CTNNA3: variants seen among roughly 807,000 people sequenced by gnomAD.
The protein encoded by CTNNA3 is catenin alpha 3, also known as catenin alpha-3.
CTNNA3 carries 76 observed loss-of-function variants against 95.7 expected under a neutral mutation model. The ratio of observed to expected loss-of-function variants is 0.79; its 90% CI spans 0.66 to 0.96. The LOEUF (loss-of-function observed/expected upper bound fraction) is 0.96, where lower values mean the gene tolerates loss of function less well. Among genes scored for constraint, CTNNA3 ranks in the 40% least tolerant of loss-of-function variants. The pLI, the probability that CTNNA3 is intolerant of heterozygous loss-of-function variation, is 0.00. For missense variants in CTNNA3, 1,191 were observed against 1,089.8 expected, an observed-to-expected ratio of 1.09 and a Z score of -1.31; for synonymous variants, 431 against 374.4, an observed-to-expected ratio of 1.15 and a Z score of -1.74.
upstream of CTNNA3, among the ~76,000 whole-genome samples, chr10:67,696,377 A>T (rs1785201569): frequency 6.6e-6 from 1 of 152,234 alleles, no homozygotes; most frequent in South Asian, 2.1e-4. Context: ...CAAAAGAAGA[A>T]CCTCTTCTAT....
At chr10:66,006,268 C>T (rs1353763046) in intron 15 of CTNNA3, among the ~76,000 whole-genome samples, 1 of 152,044 alleles carries the variant, frequency 6.6e-6, no homozygotes, top group Non-Finnish European at 1.5e-5. Flanking sequence ...CCGCCTCGGC[C>T]TCCCAAAGTG....
At chr10:66,849,981 G>GTT (rs35508547) in intron 7 of CTNNA3, among the ~76,000 whole-genome samples, 2 of 151,992 alleles carry the variant, frequency 1.3e-5, no homozygotes, top group Admixed American at 6.5e-5. Flanking sequence ...ATGAGAGCAT[G>GTT]TTTTTTTGCA....
In CTNNA3 at chr10:66,718,871, G is replaced by T. The variant is rs184894870; in HGVS notation, c.1281+47393C>A. On this transcript the variant is annotated intron_variant, in intron 9 of 17. Transcript: ENST00000433211. Reference sequence around the variant, plus strand: ...ATTGTTATGTCACTGACAATTGTTTGTTAAAATCATTTCAAATAACTTTAT... The same window carrying T: ...ATTGTTATGTCACTGACAATTGTTTTTTAAAATCATTTCAAATAACTTTAT... Among the ~76,000 whole-genome samples the T allele has an allele frequency of 4.5e-3, 683 of 152,164 alleles. 6 individuals carry two copies. Among genetic ancestry groups the T allele is most frequent in the African/African-American group, 0.016 (650 of 41,528 alleles).
chr10:66,233,600 T>C (rs1454034000), intron 13 of CTNNA3, among the ~76,000 whole-genome samples: 1 of 152,170 alleles, frequency 6.6e-6, no homozygotes, highest in Non-Finnish European at 1.5e-5. Flanking sequence ...AAATGCATAT[T>C]ACAGTGCTCC....
At chr10:66,910,092 G>A (rs1846158218) in intron 7 of CTNNA3, among the ~76,000 whole-genome samples, 1 of 152,136 alleles carries the variant, frequency 6.6e-6, no homozygotes, top group African/African-American at 2.4e-5. Flanking sequence ...AGATTATAAT[G>A]TTTTAGATAC....
chr10:66,082,537 G>A (rs559513352), intron 14 of CTNNA3, among the ~76,000 whole-genome samples: 1 of 152,156 alleles, frequency 6.6e-6, no homozygotes, highest in East Asian at 1.9e-4. Flanking sequence ...AAGAATATAG[G>A]TGGAAAAATT....
At chr10:66,374,604 G>A (rs866784878) in intron 12 of CTNNA3, among the ~76,000 whole-genome samples, 4 of 129,088 alleles carry the variant, frequency 3.1e-5, no homozygotes, top group Admixed American at 2.4e-4. Context: ...TGAAAGAAAA[G>A]CCTTTTTTTT....
chr10:67,527,742 G>A (rs767427553), intron 4 of CTNNA3, among the ~76,000 whole-genome samples: 6 of 152,230 alleles, frequency 3.9e-5, no homozygotes, highest in Non-Finnish European at 8.8e-5. Flanking sequence ...CTACCAAGAG[G>A]TGGAAGTGGT....
intron 1 of CTNNA3, among the ~76,000 whole-genome samples, chr10:67,709,644 T>G (rs1589577664): frequency 6.6e-6 from 1 of 151,994 alleles, no homozygotes; most frequent in Non-Finnish European, 1.5e-5. Context: ...CTCCCTTGAT[T>G]GGGTTCCTCA....
chr10:67,716,431 T>C (rs1177307509), intron 1 of CTNNA3, among the ~76,000 whole-genome samples: 1 of 150,414 alleles, frequency 6.6e-6, no homozygotes, highest in Admixed American at 6.6e-5. Flanking sequence ...CACCAACCCA[T>C]TATCTACATT....
intron 7 of CTNNA3, among the ~76,000 whole-genome samples, chr10:67,089,157 C>A (rs139464699): frequency 2.7e-3 from 405 of 152,000 alleles, no homozygotes; most frequent in African/African-American, 9.0e-3. Context: ...TAGAGCCAAT[C>A]CCCCATGGAT....
At chr10:67,417,033 T>C (rs918696357) in intron 5 of CTNNA3, among the ~76,000 whole-genome samples, 3 of 152,030 alleles carry the variant, frequency 2.0e-5, no homozygotes, top group African/African-American at 7.3e-5. Context: ...AGCAAAGACA[T>C]AGAATCAACC....
chr10:67,482,519 T>C (rs1213754948), intron 5 of CTNNA3, among the ~76,000 whole-genome samples: 2 of 152,142 alleles, frequency 1.3e-5, no homozygotes, highest in Admixed American at 6.6e-5. Flanking sequence ...CAATTGTGAA[T>C]GGGAGTTCAC....
At position 67,309,905 on chromosome 10, in the gene CTNNA3, T is replaced by A. The variant is rs112021509; in HGVS notation, c.580-90035A>T. Among the ~76,000 whole-genome samples, 691 of 152,236 alleles carry A rather than the reference T, an allele frequency of 4.5e-3. 1 individual carries two copies. The highest frequency in any genetic ancestry group is 7.1e-3 in the Non-Finnish European group (485 of 68,018). ...GTACCAAGAACTGTTAGCCTGCAAA[T>A]GTATCCTTCCTTTAAAAAAAATTGC... is the stretch of plus-strand genomic sequence containing the variant. On this transcript the variant is annotated intron_variant, in intron 5 of 17. Transcript: ENST00000433211.
At chr10:66,025,573 A>C (rs1485133924) in intron 15 of CTNNA3, among the ~76,000 whole-genome samples, 1 of 152,306 alleles carries the variant, frequency 6.6e-6, no homozygotes, top group South Asian at 2.1e-4. Flanking sequence ...ATCATCTACT[A>C]TCTTCCTCAC....
At chr10:66,664,874 G>T in intron 9 of CTNNA3, among the ~76,000 whole-genome samples, 1 of 131,872 alleles carries the variant, frequency 7.6e-6, no homozygotes. Context: ...CTGAATATGA[G>T]TCAGCTGAAA....
chr10:67,398,279 G>A (rs929395930), intron 5 of CTNNA3, among the ~76,000 whole-genome samples: 2 of 152,232 alleles, frequency 1.3e-5, no homozygotes, highest in East Asian at 3.9e-4. Context: ...TTGTGTCAGT[G>A]TACCCTAGAT....
chr10:67,533,493 C>T (rs949129591), intron 4 of CTNNA3, among the ~76,000 whole-genome samples: 4 of 152,128 alleles, frequency 2.6e-5, no homozygotes, highest in African/African-American at 9.7e-5. Context: ...AGCCAAAATA[C>T]CTTTCCAAGT....
intron 5 of CTNNA3, among the ~76,000 whole-genome samples, chr10:67,471,719 A>T (rs1007258335): frequency 1.3e-5 from 2 of 152,208 alleles, no homozygotes; most frequent in Non-Finnish European, 2.9e-5. Context: ...ACATGCCTGC[A>T]TCTTGCCAAA....
Sources: allele counts gnomAD v4.1 joint callset (sites outside exome capture counted in the v4.1 genomes callset), GRCh38; gene constraint gnomAD v4.1.1; transcripts MANE v1.5; gene names NCBI Gene and HGNC (gene_info 2026-07-23, HGNC 2026-07-21).